ZDHHC18: variants seen among roughly 807,000 people sequenced by gnomAD.
ZDHHC18 encodes the protein zDHHC palmitoyltransferase 18, also known as palmitoyltransferase ZDHHC18.
ZDHHC18 carries 23 observed loss-of-function variants against 37.5 expected under a neutral mutation model. The ratio of observed to expected loss-of-function variants is 0.61; its 90% CI spans 0.44 to 0.87. The LOEUF is 0.87. Ranked by LOEUF, ZDHHC18 falls within the 40% of genes least tolerant of loss-of-function variation. The probability of loss-of-function intolerance (pLI) is 0.00; values close to 1 mark genes in which losing one functional copy is unlikely to be tolerated. For synonymous variants in ZDHHC18, 185 were observed against 218.7 expected, an observed-to-expected ratio of 0.85 and a Z score of 1.36; for missense variants, 406 against 525.6, an observed-to-expected ratio of 0.77 and a Z score of 2.22.
intron 6 of ZDHHC18, 94 bp downstream of exon 6, chr1:26,851,325 C>A: frequency 8.4e-7 from 1 of 1,191,194 alleles, no homozygotes; most frequent in African/African-American, 1.5e-5. Context: ...ACAGTCCTGA[C>A]TCACGGACTG....
At chr1:26,848,577 A>C (rs745651085) in intron 2 of ZDHHC18, 31 bp from the exon 3 acceptor site, 2 of 1,598,618 alleles carry the variant, frequency 1.3e-6, no homozygotes, top group Non-Finnish European at 1.7e-6. Context: ...TGCCTTGGGC[A>C]TTCCCCATCT....
chr1:26,835,732 C>T (rs1176034971), intron 2 of ZDHHC18, among the ~76,000 whole-genome samples: 3 of 152,032 alleles, frequency 2.0e-5, no homozygotes, highest in Admixed American at 1.3e-4. Context: ...CATATTTCCC[C>T]GAAAATGATC....
At chr1:26,836,618 G>A (rs113051297) in intron 2 of ZDHHC18, among the ~76,000 whole-genome samples, 10,626 of 147,278 alleles carry the variant, frequency 0.072, 409 homozygotes, top group Non-Finnish European at 0.086. Flanking sequence ...GCCCAGGCTG[G>A]AGTGCAGTGG....
chr1:26,836,556 T>TTTTTTTTC, intron 2 of ZDHHC18, among the ~76,000 whole-genome samples: 1 of 104,592 alleles, frequency 9.6e-6, no homozygotes, highest in African/African-American at 4.1e-5. Context: ...CTTCATTTCT[T>TTTTTTTTC]TTTTTTTCTT....
intron 2 of ZDHHC18, among the ~76,000 whole-genome samples, chr1:26,846,211 TATAC>T (rs61347546): frequency 1.8e-5 from 1 of 54,912 alleles, no homozygotes; most frequent in African/African-American, 7.5e-5. Flanking sequence ...TATACACGTA[TATAC>T]ATATATATGT....
rs956481000 is a variant in ZDHHC18 at position 26,832,442 on chromosome 1, T to C, written c.336-5T>C. ...CTGCTGATCTCTCTCCATCTCTCGT[T>C]CTAGCTGTCCCTACCTGGCTCGCAA... On this transcript the variant is annotated splice_polypyrimidine_tract_variant and splice_region_variant and intron_variant, in intron 1 of 7. Transcript: ENST00000374142. The C allele has an allele frequency of 3.1e-6, 5 of 1,613,920 alleles. No individual in the cohort carries two copies. The highest frequency in any genetic ancestry group is 1.7e-5 in the Admixed American group (1 of 59,990).
rs923641827 is a variant in ZDHHC18, at chr1:26,857,308, C to G, written c.*3465C>G. 2 of 152,242 alleles carry G rather than the reference C, an allele frequency of 1.3e-5. No homozygotes were observed. Among genetic ancestry groups the G allele is most frequent in the African/African-American group, 4.8e-5 (2 of 41,436 alleles). The allele number at this position is 152,242 out of a possible 1,614,324, so 9.4% of individuals were successfully genotyped here. On this transcript the variant is annotated 3_prime_UTR_variant, in exon 8 of 8. Transcript: ENST00000374142. ...GTTGATGGTGGATGACGCTGCTGAACAAGTTTGGTGACTGTTCTAAGCACA... is the reference window on the plus strand; with the variant it reads ...GTTGATGGTGGATGACGCTGCTGAAGAAGTTTGGTGACTGTTCTAAGCACA...
rs1553158075 is a variant in ZDHHC18 at position 26,846,215 on chromosome 1, C to CATATATGTGT, written c.497-2387_497-2386insGTGTATATAT. Among the ~76,000 whole-genome samples, 341 of 57,054 alleles carry CATATATGTGT rather than the reference C, an allele frequency of 6.0e-3. 1 individual carries two copies. The highest frequency in any genetic ancestry group is 0.011 in the South Asian group (10 of 948). 37.4% of individuals were successfully genotyped at this position (57,054 alleles called of 152,430 possible). A position where few individuals can be genotyped will look rare whatever the true frequency, so the allele number is the denominator to read the frequency against. ...ATACATACATATATACACGTATATA[C>CATATATGTGT]ATATATATGTGTATATAGAGAGAGA... On this transcript the variant is annotated intron_variant, in intron 2 of 7. Transcript: ENST00000374142.
intron 2 of ZDHHC18, among the ~76,000 whole-genome samples, chr1:26,838,155 C>T (rs2081622162): frequency 6.6e-6 from 1 of 151,936 alleles, no homozygotes; most frequent in Non-Finnish European, 1.5e-5. Flanking sequence ...CACCACCATG[C>T]ACCCTAATTT....
chr1:26,839,802 A>G (rs1281056703), intron 2 of ZDHHC18, among the ~76,000 whole-genome samples: 2 of 152,222 alleles, frequency 1.3e-5, no homozygotes, highest in Admixed American at 6.5e-5. Flanking sequence ...AGTGGCTGCC[A>G]GGAGGAGCAG....
At position 26,827,095 on chromosome 1, in the gene ZDHHC18, G is replaced by T; in HGVS notation, c.291G>T (p.Thr97=). ...LAGHGGVFAL[T]LLLILTTTGL... ...GCCACGGCGGCGTCTTCGCGCTCAC[G>T]CTGCTGCTCATCCTCACCACCACCG... The change falls in exon 1 of 8, where the codon ACG becomes ACT. Residue 97 remains threonine, a synonymous_variant. Coordinates refer to ENST00000374142, the MANE Select transcript of ZDHHC18 (RefSeq NM_032283.3). The T allele has an allele frequency of 7.1e-7, 1 of 1,404,720 alleles. No homozygotes were observed. The highest frequency in any genetic ancestry group is 9.2e-7 in the Non-Finnish European group (1 of 1,081,564). The allele number at this position is 1,404,720 out of a possible 1,614,324, so 87.0% of individuals were successfully genotyped here. A position where few individuals can be genotyped will look rare whatever the true frequency, so the allele number is the denominator to read the frequency against.
chr1:26,826,714 G>GCGC lies in ZDHHC18; in HGVS notation c.-84_-82dup, dbSNP rs1423249253. The GCGC allele has an allele frequency of 2.8e-5, 16 of 572,472 alleles. No individual in the cohort carries two copies. Among genetic ancestry groups the GCGC allele is most frequent in the South Asian group, 2.2e-4 (3 of 13,862 alleles). The allele number at this position is 572,472 out of a possible 1,614,324, so 35.5% of individuals were successfully genotyped here. On this transcript the variant is annotated 5_prime_UTR_variant, in exon 1 of 8. Transcript: ENST00000374142. This position sits in a 1 kb window ranked among gnomAD's most constrained non-coding sequence, Gnocchi z 5.2. ...GTGAGTGAGCGAGCGAGCGCCGCGC[G>GCGC]CGCCGCCGCTGCCACCTCCGCTGCT... is the stretch of plus-strand genomic sequence containing the variant.
chr1:26,848,097 G>A (rs987764711), intron 2 of ZDHHC18, among the ~76,000 whole-genome samples: 1 of 152,182 alleles, frequency 6.6e-6, no homozygotes, highest in Non-Finnish European at 1.5e-5. Flanking sequence ...CAGATCACCT[G>A]AGGTCAGGAG....
At chr1:26,846,158 GTA>G (rs2081663009) in intron 2 of ZDHHC18, among the ~76,000 whole-genome samples, 2 of 143,988 alleles carry the variant, frequency 1.4e-5, no homozygotes, top group Admixed American at 7.0e-5. Flanking sequence ...ATATATACAT[GTA>G]TATATGTCTA....
rs2081722167 is a variant in ZDHHC18, at chr1:26,854,267, G to A, written c.*424G>A. 6.3e-6 allele frequency: 1 copy of A among 159,894 alleles called. No individual in the cohort carries two copies. The highest frequency in any genetic ancestry group is 6.4e-5 in the Admixed American group (1 of 15,736). The allele number at this position is 159,894 out of a possible 1,614,324, so 9.9% of individuals were successfully genotyped here. ...AGTGGCCAGCTCTGGATAGCTGGCT[G>A]TGGAGAGGAAGCCTCCATGGGCTGC... On this transcript the variant is annotated 3_prime_UTR_variant, in exon 8 of 8. Coordinates refer to ENST00000374142, the MANE Select transcript of ZDHHC18 (RefSeq NM_032283.3). The surrounding 1 kb of genome is among the most constrained non-coding windows in gnomAD (Gnocchi z 4.6).
At position 26,847,137 on chromosome 1, in the gene ZDHHC18, C is replaced by T. The variant is rs1306024124; in HGVS notation, c.497-1471C>T. On this transcript the variant is annotated intron_variant, in intron 2 of 7. Transcript: ENST00000374142. ...GTCTCGATCTCCTGACCTCATGATC[C>T]GCCCGCCTCGGCCCCCCAAAGTGCT... Among the ~76,000 whole-genome samples, 13 of 152,084 alleles carry T rather than the reference C, an allele frequency of 8.5e-5. No individual in the cohort carries two copies. In the East Asian group the frequency reaches 1.5e-3, roughly 18 times the overall value.
chr1:26,856,283 T>C lies in ZDHHC18; in HGVS notation c.*2440T>C, dbSNP rs1035903422. On this transcript the variant is annotated 3_prime_UTR_variant, in exon 8 of 8. Transcript: ENST00000374142. This position sits in a 1 kb window ranked among gnomAD's most constrained non-coding sequence, Gnocchi z 5.2. ...AGCTGGTAAGACCGTTTCTTCCCTG[T>C]CGGCCAGCACTGCCCGCTCCCCTCA... 2.1e-5 allele frequency: 9 copies of C among 436,072 alleles called. No homozygotes were observed. The highest frequency in any genetic ancestry group is 3.8e-5 in the Non-Finnish European group (8 of 210,300). 27.0% of individuals were successfully genotyped at this position (436,072 alleles called of 1,614,324 possible). A position where few individuals can be genotyped will look rare whatever the true frequency, so the allele number is the denominator to read the frequency against.
chr1:26,837,713 C>T lies in ZDHHC18; in HGVS notation c.496+5106C>T, dbSNP rs534104514. Among the ~76,000 whole-genome samples the T allele has an allele frequency of 4.6e-5, 7 of 152,174 alleles. No individual in the cohort carries two copies. In the South Asian group the frequency reaches 1.4e-3, roughly 32 times the overall value. Reference sequence around the variant, plus strand: ...CAGGCTGGTCTTGAACTTCTGACCTCAGGTGATCCACCTGCCTCAGCCTCC... The same window carrying T: ...CAGGCTGGTCTTGAACTTCTGACCTTAGGTGATCCACCTGCCTCAGCCTCC... On this transcript the variant is annotated intron_variant, in intron 2 of 7. Transcript: ENST00000374142.
chr1:26,827,249 C>A (rs1258420906), intron 1 of ZDHHC18, 110 bp downstream of exon 1: 4 of 937,230 alleles, frequency 4.3e-6, no homozygotes, highest in Non-Finnish European at 5.6e-6. Context: ...GGTCCTCATC[C>A]TCCCCGCCCC....
Sources: allele counts gnomAD v4.1 joint callset (sites outside exome capture counted in the v4.1 genomes callset), GRCh38; gene constraint gnomAD v4.1.1; non-coding constraint Gnocchi (gnomAD v3.1); transcripts MANE v1.5; gene names NCBI Gene and HGNC (gene_info 2026-07-23, HGNC 2026-07-21).